DENND2D: variants seen among roughly 807,000 people sequenced by gnomAD.
The protein encoded by DENND2D is DENN domain containing 2D.
In DENND2D, 37 loss-of-function variants were observed where a neutral mutation model predicts 59.8. The ratio of observed to expected loss-of-function variants is 0.62; its 90% CI spans 0.48 to 0.81. The LOEUF (loss-of-function observed/expected upper bound fraction) is 0.81, where lower values mean the gene tolerates loss of function less well. DENND2D is among the 40% of genes least tolerant of loss of function. The probability of loss-of-function intolerance (pLI) is 0.00; values close to 1 mark genes in which losing one functional copy is unlikely to be tolerated. For synonymous variants in DENND2D, 219 were observed against 211.3 expected (o/e 1.04, Z -0.31); for missense variants, 525 against 579.7 (o/e 0.91, Z 0.97).
chr1:111,202,035 G>T (rs1170314566), upstream of DENND2D, among the ~76,000 whole-genome samples: 1 of 152,198 alleles, frequency 6.6e-6, no homozygotes, highest in Non-Finnish European at 1.5e-5. Flanking sequence ...AAAATTGACA[G>T]GATTTGTTGG....
chr1:111,202,696 T>TACACACACACAC (rs5741908), upstream of DENND2D, among the ~76,000 whole-genome samples: 2,619 of 142,900 alleles, frequency 0.018, 37 homozygotes, highest in East Asian at 0.051. Flanking sequence ...GTCACCAGGA[T>TACACACACACAC]ACACACACAC....
chr1:111,204,514 G>A (rs1659122490), upstream of DENND2D: 12 of 721,504 alleles, frequency 1.7e-5, no homozygotes, highest in Non-Finnish European at 2.4e-5. Context: ...CCCAACCCCC[G>A]GGCGCACCTG....
At chr1:111,194,867 G>A in intron 6 of DENND2D, 141 bp from the exon 7 acceptor site, 2 of 920,246 alleles carry the variant, frequency 2.2e-6, no homozygotes, top group Non-Finnish European at 3.3e-6. Flanking sequence ...CCTGCTAATT[G>A]GCTGGAGGAC....
chr1:111,187,626 T>C lies in DENND2D; in HGVS notation c.1395A>G (p.Pro465=). 6.2e-7 allele frequency: 1 copy of C among 1,613,886 alleles called. No individual in the cohort carries two copies. Reference sequence around the variant, plus strand: ...GCTCTTATTTCACAGTTTTTTCCCTTGGTTTCTTCTGTTTCTTCTGTTCCT... The same window carrying C: ...GCTCTTATTTCACAGTTTTTTCCCTCGGTTTCTTCTGTTTCTTCTGTTCCT... ...EYEEQKKQKK[P]REKTVK Residue 465 remains proline (P), a synonymous_variant, in exon 12 of 12, where the codon CCA becomes CCG. Coordinates refer to ENST00000357640, the MANE Select transcript of DENND2D (RefSeq NM_024901.5).
rs537156656 is a variant in DENND2D, at chr1:111,188,456, C to T, written c.1100-86G>A. 2.7e-4 allele frequency: 414 copies of T among 1,550,978 alleles called. 1 individual carries two copies. In the African/African-American group the frequency reaches 2.8e-3, roughly 10 times the overall value. On this transcript the variant is annotated intron_variant, in intron 10 of 11. Coordinates refer to ENST00000357640, the MANE Select transcript of DENND2D (RefSeq NM_024901.5). ...CCTTCAAGAATGGCTTTCTTGCAGG[C>T]GGAAAGCTCCTGGGGAAAGCCATAG...
intron 4 of DENND2D, 39 bp downstream of exon 4, chr1:111,197,881 G>T: frequency 6.2e-7 from 1 of 1,612,872 alleles, no homozygotes; most frequent in South Asian, 1.1e-5. Context: ...GAGCTGAGCA[G>T]ACTGCAGAAA....
intron 11 of DENND2D, 23 bp downstream of exon 11, chr1:111,188,108 A>G (rs1657387869): frequency 6.2e-7 from 1 of 1,613,728 alleles, no homozygotes. Context: ...ATGGGCTTAG[A>G]CTGATGGGGA....
At chr1:111,189,651 C>T (rs78043838) in intron 8 of DENND2D, among the ~76,000 whole-genome samples, 2 of 152,190 alleles carry the variant, frequency 1.3e-5, no homozygotes, top group South Asian at 2.1e-4. Flanking sequence ...GAGGCAGATA[C>T]AATCTCCATT....
intron 7 of DENND2D, 39 bp downstream of exon 7, chr1:111,194,539 C>CTGGGCAGTTCAGG: frequency 6.2e-7 from 1 of 1,608,996 alleles, no homozygotes. Flanking sequence ...CCCAGGGATG[C>CTGGGCAGTTCAGG]TGGGCAGTTC....
At chr1:111,189,726 C>A (rs1350751202) in intron 8 of DENND2D, among the ~76,000 whole-genome samples, 1 of 152,088 alleles carries the variant, frequency 6.6e-6, no homozygotes, top group African/African-American at 2.4e-5. Context: ...AATAAGAGAA[C>A]CAATTTTTTT....
At chr1:111,197,493 G>A in intron 4 of DENND2D, 1 of 1,409,808 alleles carries the variant, frequency 7.1e-7, no homozygotes, top group South Asian at 1.5e-5. Context: ...CAGCAAAGAG[G>A]GGTAGCAAGT....
intron 10 of DENND2D, 109 bp from the exon 11 acceptor site, chr1:111,188,479 T>C: frequency 1.4e-6 from 2 of 1,473,804 alleles, no homozygotes; most frequent in Admixed American, 2.0e-5. Context: ...GGGAAAGCCA[T>C]AGGGTAGGGT....
At chr1:111,195,605 C>T (rs546903419) in intron 6 of DENND2D, 11 of 310,014 alleles carry the variant, frequency 3.5e-5, no homozygotes, top group East Asian at 3.0e-4. Context: ...AGGGGGGTAG[C>T]GGCAAGTGGC....
Position 111,199,646 on chromosome 1 carries a change from T to C in DENND2D, c.220A>G (p.Ile74Val). 18 of 1,613,962 alleles carry C rather than the reference T, an allele frequency of 1.1e-5. No individual in the cohort carries two copies. The highest frequency in any genetic ancestry group is 1.5e-5 in the Non-Finnish European group (18 of 1,179,914). ...KKRSEDDYEP[I>V]ITYQFPKREN... ...ACCTTGGGAAATTGGTAGGTGATTA[T>C]AGGCTCGTAATCATCCTCTGAACGC... Residue 74 changes from isoleucine (I) to valine (V), a missense_variant, in exon 2 of 12, where the codon ATA becomes GTA. Physicochemically the swap from Ile to Val is conservative, Grantham distance 29 (BLOSUM62 3). This residue lies in a region of DENND2D where 253 missense variants were observed against 246.4 expected (regional missense o/e 1.03). Coordinates refer to ENST00000357640, the MANE Select transcript of DENND2D (RefSeq NM_024901.5).
At chr1:111,192,938 G>A (rs1657916475) in intron 7 of DENND2D, among the ~76,000 whole-genome samples, 1 of 152,172 alleles carries the variant, frequency 6.6e-6, no homozygotes, top group Non-Finnish European at 1.5e-5. Flanking sequence ...CCAGGTTCTA[G>A]GAACCTCTGC....
At chr1:111,194,764 C>A in intron 6 of DENND2D, 38 bp from the exon 7 acceptor site, 1 of 1,610,088 alleles carries the variant, frequency 6.2e-7, no homozygotes, top group Non-Finnish European at 8.5e-7. Context: ...TGTCACTATA[C>A]TGCAAGATCA....
chr1:111,187,546 G>C lies in DENND2D; in HGVS notation c.*59C>G. The C allele has an allele frequency of 6.9e-7, 1 of 1,458,026 alleles. No individual in the cohort carries two copies. The highest frequency in any genetic ancestry group is 9.6e-7 in the Non-Finnish European group (1 of 1,040,784). The allele number at this position is 1,458,026 out of a possible 1,614,324, so 90.3% of individuals were successfully genotyped here. On this transcript the variant is annotated 3_prime_UTR_variant, in exon 12 of 12. Coordinates refer to ENST00000357640, the MANE Select transcript of DENND2D (RefSeq NM_024901.5). ...CAGTTTTGCTGATCCTGCCACACTG[G>C]CAGGGGCTGAAGTCCAGAAATGGTG...
Position 111,190,141 on chromosome 1 carries a change from G to A in DENND2D, c.973-888C>T, listed in dbSNP as rs536311659. On this transcript the variant is annotated intron_variant, in intron 8 of 11. Transcript: ENST00000357640. ...ATCGCGCCACTGCACTCCAGCCTGG[G>A]CGACACAGCGAGACTCTGTCTCAAA... Among the ~76,000 whole-genome samples, 27 of 139,212 alleles carry A rather than the reference G, an allele frequency of 1.9e-4. 1 individual carries two copies. The highest frequency in any genetic ancestry group is 8.7e-3 in the Middle Eastern group (2 of 230). 91.3% of individuals were successfully genotyped at this position (139,212 alleles called of 152,430 possible). A position where few individuals can be genotyped will look rare whatever the true frequency, so the allele number is the denominator to read the frequency against.
chr1:111,200,355 C>T (rs1255650626), intron 1 of DENND2D, 38 bp downstream of exon 1: 3 of 1,600,352 alleles, frequency 1.9e-6, no homozygotes, highest in Admixed American at 1.7e-5. Context: ...CTAAGAGGGT[C>T]ACCCTAAAAA....
Sources: gnomAD v4.1 joint callset for allele counts (sites outside exome capture counted in the v4.1 genomes callset) on GRCh38, gnomAD v4.1.1 for gene constraint, gnomAD v4.1.1 regional missense constraint, MANE v1.5 for transcripts, NCBI Gene and HGNC (gene_info 2026-07-23, HGNC 2026-07-21) for gene names.